The following RPS6KC1 variants were observed in gnomAD, a reference collection of about 807,000 sequenced individuals.
RPS6KC1 encodes the protein ribosomal protein S6 kinase C1, also known as inactive ribosomal protein S6 kinase delta-1.
In RPS6KC1, 54 loss-of-function variants were observed where a neutral mutation model predicts 103.8. The ratio of observed to expected loss-of-function variants is 0.52; its 90% CI spans 0.42 to 0.65. The LOEUF (loss-of-function observed/expected upper bound fraction) is 0.65. RPS6KC1 is among the 30% of genes least tolerant of loss of function. RPS6KC1 has a pLI of 0.00. For synonymous variants in RPS6KC1, 439 were observed against 438.7 expected (o/e 1.00, Z -0.01); for missense variants, 1,151 against 1,253.8 (o/e 0.92, Z 1.24).
chr1:213,299,210 A>G, the RPS6KC1 span, among the ~76,000 whole-genome samples: 1 of 152,222 alleles, frequency 6.6e-6, no homozygotes, highest in Non-Finnish European at 1.5e-5. Flanking sequence ...TGCAGAAATC[A>G]CATAACTGCC....
At chr1:213,341,758 A>C in the RPS6KC1 span, among the ~76,000 whole-genome samples, 3 of 152,200 alleles carry the variant, frequency 2.0e-5, no homozygotes, top group East Asian at 5.8e-4. Context: ...AGGCACAGGG[A>C]TGTTAAGTAA....
At chr1:213,183,209 G>A (rs1043994145) in intron 8 of RPS6KC1, among the ~76,000 whole-genome samples, 2 of 151,990 alleles carry the variant, frequency 1.3e-5, no homozygotes, top group Admixed American at 1.3e-4. Context: ...GGAGAAATAG[G>A]CAGTTACAGG....
intron 8 of RPS6KC1, among the ~76,000 whole-genome samples, chr1:213,187,390 A>T (rs2092576970): frequency 6.6e-6 from 1 of 151,410 alleles, no homozygotes. Flanking sequence ...GACTACAGAC[A>T]TGCGCCACTA....
chr1:213,690,863 A>T, the RPS6KC1 span, among the ~76,000 whole-genome samples: 2 of 152,214 alleles, frequency 1.3e-5, no homozygotes, highest in Non-Finnish European at 2.9e-5. Flanking sequence ...CAGCCACTGA[A>T]GGAGCTATAA....
chr1:213,827,101 A>G, the RPS6KC1 span, among the ~76,000 whole-genome samples: 1 of 152,260 alleles, frequency 6.6e-6, no homozygotes, highest in Admixed American at 6.5e-5. Context: ...CCTTTTGCAT[A>G]TGTGTGACTG....
the RPS6KC1 span, among the ~76,000 whole-genome samples, chr1:213,746,318 AGCTGT>A: frequency 2.0e-5 from 3 of 152,324 alleles, no homozygotes; most frequent in African/African-American, 7.2e-5. Context: ...TGAGGGACTC[AGCTGT>A]GCAGGGATAC....
chr1:213,672,939 C>A, the RPS6KC1 span, among the ~76,000 whole-genome samples: 2 of 152,180 alleles, frequency 1.3e-5, no homozygotes, highest in Admixed American at 1.3e-4. Context: ...CACCCAAGTG[C>A]CTCCAGTTGT....
the RPS6KC1 span, among the ~76,000 whole-genome samples, chr1:213,749,165 T>G: frequency 6.6e-6 from 1 of 152,134 alleles, no homozygotes; most frequent in Non-Finnish European, 1.5e-5. Context: ...ACTGAGCCCA[T>G]GGAAAGCATT....
intron 8 of RPS6KC1, among the ~76,000 whole-genome samples, chr1:213,224,834 G>A (rs141898287): frequency 7.2e-5 from 11 of 152,116 alleles, no homozygotes; most frequent in Admixed American, 5.9e-4. Context: ...TATGATCTTT[G>A]TGCATGCAAC....
At chr1:213,476,877 C>T in the RPS6KC1 span, among the ~76,000 whole-genome samples, 1 of 152,202 alleles carries the variant, frequency 6.6e-6, no homozygotes, top group South Asian at 2.1e-4. Context: ...AGAGACAGGG[C>T]TTAGACTTAC....
At chr1:213,540,965 A>T in the RPS6KC1 span, among the ~76,000 whole-genome samples, 1 of 151,844 alleles carries the variant, frequency 6.6e-6, no homozygotes, top group Admixed American at 6.6e-5. Context: ...TTATCATGAG[A>T]TTTTGCAGCA....
At chr1:213,849,961 C>T in the RPS6KC1 span, among the ~76,000 whole-genome samples, 1 of 151,922 alleles carries the variant, frequency 6.6e-6, no homozygotes, top group Non-Finnish European at 1.5e-5. Flanking sequence ...AACCAATCAT[C>T]TTTCTAAACT....
chr1:213,570,528 A>G, the RPS6KC1 span, among the ~76,000 whole-genome samples: 1 of 152,196 alleles, frequency 6.6e-6, no homozygotes, highest in South Asian at 2.1e-4. Context: ...CCAGGATAGA[A>G]GAACATGTGC....
At chr1:213,507,727 A>T in the RPS6KC1 span, among the ~76,000 whole-genome samples, 4 of 152,176 alleles carry the variant, frequency 2.6e-5, no homozygotes, top group Non-Finnish European at 5.9e-5. Flanking sequence ...ATGCCCAGGC[A>T]TGGCTTGAGC....
At chr1:213,375,760 A>G in the RPS6KC1 span, among the ~76,000 whole-genome samples, 1 of 152,148 alleles carries the variant, frequency 6.6e-6, no homozygotes. Context: ...ACAGCAAGAC[A>G]GGGGGACCTA....
chr1:213,322,910 GCTTTT>G, the RPS6KC1 span, among the ~76,000 whole-genome samples: 315 of 87,796 alleles, frequency 3.6e-3, 3 homozygotes, highest in African/African-American at 0.013. Flanking sequence ...ACCATGCCCA[GCTTTT>G]TTTTTTTTTT....
intron 6 of RPS6KC1, among the ~76,000 whole-genome samples, chr1:213,162,475 G>T (rs1428919981): frequency 2.0e-5 from 3 of 152,056 alleles, no homozygotes; most frequent in Non-Finnish European, 4.4e-5. Flanking sequence ...TAAAGATGGG[G>T]TCCCACTATG....
chr1:213,363,695 T>TC, the RPS6KC1 span, among the ~76,000 whole-genome samples: 3 of 80,866 alleles, frequency 3.7e-5, no homozygotes, highest in Non-Finnish European at 7.3e-5. Context: ...TCTTTCTTTC[T>TC]TTCTTTCCTT....
the RPS6KC1 span, among the ~76,000 whole-genome samples, chr1:213,653,727 G>A: frequency 6.3e-3 from 959 of 152,274 alleles, 15 homozygotes; most frequent in African/African-American, 0.022. Context: ...TGGTTGTAAC[G>A]CTTGTTCTGG....
Sources: allele counts gnomAD v4.1 joint callset (sites outside exome capture counted in the v4.1 genomes callset), GRCh38; gene constraint gnomAD v4.1.1; transcripts MANE v1.5; gene names NCBI Gene and HGNC (gene_info 2026-07-23, HGNC 2026-07-21).